The following TRPM3 variants were observed in gnomAD, a reference collection of about 807,000 sequenced individuals.
TRPM3 encodes the protein transient receptor potential cation channel subfamily M member 3.
TRPM3 carries 77 observed loss-of-function variants against 181.2 expected under a neutral mutation model. The ratio of observed to expected loss-of-function variants is 0.42; its 90% CI spans 0.35 to 0.51. The LOEUF is 0.51. TRPM3 is among the 20% of genes least tolerant of loss of function. The pLI, the probability that TRPM3 is intolerant of heterozygous loss-of-function variation, is 0.01. For synonymous variants in TRPM3, 745 were observed against 796.4 expected (o/e 0.94, Z 1.09); for missense variants, 1,759 against 2,196.7 (o/e 0.80, Z 3.98).
At chr9:70,766,221 T>A (rs4745039) in intron 7 of TRPM3, among the ~76,000 whole-genome samples, 23,281 of 152,140 alleles carry the variant, frequency 0.15, 2,378 homozygotes, top group East Asian at 0.39. Context: ...AGGGTAACCA[T>A]CAAAACGCCC....
intron 1 of TRPM3, among the ~76,000 whole-genome samples, chr9:70,868,373 C>G (rs575200327): frequency 1.3e-5 from 2 of 152,114 alleles, no homozygotes; most frequent in African/African-American, 4.8e-5. Flanking sequence ...AATAAAGCAA[C>G]TACTAATTTT....
chr9:71,040,152 C>T (rs915309643), intron 1 of TRPM3, among the ~76,000 whole-genome samples: 2 of 152,144 alleles, frequency 1.3e-5, no homozygotes, highest in African/African-American at 4.8e-5. Context: ...TTCAATCTTA[C>T]ACAAACAAGT....
chr9:71,162,312 G>T (rs2076321831), intron 1 of TRPM3, among the ~76,000 whole-genome samples: 1 of 152,014 alleles, frequency 6.6e-6, no homozygotes, highest in African/African-American at 2.4e-5. Flanking sequence ...GGCTTTTCTG[G>T]CTTTCTGGTA....
intron 1 of TRPM3, among the ~76,000 whole-genome samples, chr9:71,073,402 C>T (rs558240039): frequency 3.3e-5 from 5 of 152,264 alleles, no homozygotes; most frequent in Admixed American, 2.6e-4. Context: ...GACCAGTAGT[C>T]TCAAAGAAAA....
At chr9:71,320,375 A>C (rs1412290421) in intron 1 of TRPM3, among the ~76,000 whole-genome samples, 1 of 152,176 alleles carries the variant, frequency 6.6e-6, no homozygotes, top group African/African-American at 2.4e-5. Flanking sequence ...AATCTCATGA[A>C]ACAGAGTTCT....
chr9:70,699,100 C>G lies in TRPM3; in HGVS notation c.1273-17522G>C, dbSNP rs1020382226. On this transcript the variant is annotated intron_variant, in intron 8 of 25. Transcript: ENST00000677713. ...AAGGCCTTGTTAAATGACAAATAGT[C>G]TATGTAAATCCCCATGTATATTCAG... 2.0e-5 allele frequency among the ~76,000 whole-genome samples: 3 copies of G among 152,156 alleles called. No individual in the cohort carries two copies. In the South Asian group the frequency reaches 6.2e-4, roughly 31 times the overall value.
intron 1 of TRPM3, among the ~76,000 whole-genome samples, chr9:71,134,002 TGTGTGTGTGTGTGCGCGTGCGC>T (rs1305179327): frequency 7.9e-4 from 68 of 86,284 alleles, no homozygotes; most frequent in African/African-American, 2.7e-3. Flanking sequence ...TGTGTGTGTG[TGTGTGTGTGTGTGCGCGTGCGC>T]GCGCGCGCGT....
intron 19 of TRPM3, among the ~76,000 whole-genome samples, chr9:70,609,479 C>T (rs1245808007): frequency 1.3e-5 from 2 of 152,066 alleles, no homozygotes; most frequent in Non-Finnish European, 2.9e-5. Context: ...TGGTAGTTTC[C>T]GAATGGTGGC....
At chr9:71,095,758 CAAAAAA>C (rs34934062) in intron 1 of TRPM3, among the ~76,000 whole-genome samples, 12 of 85,302 alleles carry the variant, frequency 1.4e-4, no homozygotes, top group Middle Eastern at 0.012. Flanking sequence ...GACTCTGTGT[CAAAAAA>C]AAAAAAAAAA....
chr9:70,873,555 C>T (rs1242970309), intron 1 of TRPM3, among the ~76,000 whole-genome samples: 6 of 151,984 alleles, frequency 3.9e-5, no homozygotes, highest in Admixed American at 6.6e-5. Context: ...GCTTCTCAAA[C>T]TCTGAATATG....
chr9:70,767,687 G>A (rs1325402525), intron 7 of TRPM3, among the ~76,000 whole-genome samples: 2 of 152,236 alleles, frequency 1.3e-5, no homozygotes, highest in East Asian at 3.9e-4. Flanking sequence ...ATCTGTTGAG[G>A]CTAGAATATC....
At chr9:71,174,015 A>G (rs777346938) in intron 1 of TRPM3, among the ~76,000 whole-genome samples, 4 of 152,170 alleles carry the variant, frequency 2.6e-5, no homozygotes, top group Non-Finnish European at 5.9e-5. Flanking sequence ...ATACTCCAGA[A>G]TCTGCAGTGA....
intron 1 of TRPM3, among the ~76,000 whole-genome samples, chr9:70,918,803 C>T (rs2096626805): frequency 6.6e-6 from 1 of 151,614 alleles, no homozygotes; most frequent in African/African-American, 2.4e-5. Flanking sequence ...ACGAACAATA[C>T]AAAAGATCAA....
At chr9:70,952,972 T>C (rs1321378986) in intron 1 of TRPM3, among the ~76,000 whole-genome samples, 1 of 152,214 alleles carries the variant, frequency 6.6e-6, no homozygotes, top group Non-Finnish European at 1.5e-5. Context: ...ACAATTTCTC[T>C]ACTGACCAAA....
At chr9:70,687,774 A>T (rs991492136) in intron 8 of TRPM3, among the ~76,000 whole-genome samples, 2 of 152,164 alleles carry the variant, frequency 1.3e-5, no homozygotes, top group African/African-American at 4.8e-5. Flanking sequence ...AAAGTCAGAA[A>T]TCTGCACATT....
chr9:71,236,226 C>A (rs948787515), intron 1 of TRPM3, among the ~76,000 whole-genome samples: 13 of 152,158 alleles, frequency 8.5e-5, no homozygotes, highest in African/African-American at 2.9e-4. Flanking sequence ...AGTGTTAGAT[C>A]CACAACTTTC....
At chr9:70,802,441 C>T (rs2089390427) in intron 6 of TRPM3, among the ~76,000 whole-genome samples, 1 of 152,210 alleles carries the variant, frequency 6.6e-6, no homozygotes, top group Non-Finnish European at 1.5e-5. Flanking sequence ...TAAACCTTTA[C>T]TTACAAAAAC....
At chr9:71,084,593 A>G (rs1289620904) in intron 1 of TRPM3, among the ~76,000 whole-genome samples, 1 of 152,090 alleles carries the variant, frequency 6.6e-6, no homozygotes, top group Non-Finnish European at 1.5e-5. Context: ...TACAAGAAGA[A>G]CTACAAAACA....
rs886924831 is a variant in TRPM3, at chr9:70,595,481, C to G, written c.3048+2938G>C. On this transcript the variant is annotated intron_variant, in intron 21 of 25. Transcript: ENST00000677713. ...ACACTGCTAAATATCCTATGATACA[C>G]AGGACAGCTTCCTAAAATAAGGAAT... Among the ~76,000 whole-genome samples the G allele has an allele frequency of 2.6e-5, 4 of 152,300 alleles. No homozygotes were observed. The East Asian group carries it at 7.7e-4, about 29-fold the overall frequency.
Sources: allele counts gnomAD v4.1 joint callset (sites outside exome capture counted in the v4.1 genomes callset), GRCh38; gene constraint gnomAD v4.1.1; transcripts MANE v1.5; gene names NCBI Gene and HGNC (gene_info 2026-07-23, HGNC 2026-07-21).